The following PATE1 variants were observed in gnomAD, a reference collection of about 807,000 sequenced individuals.
PATE1 encodes prostate and testis expressed 1.
A neutral mutation model predicts 13.1 loss-of-function variants in PATE1; 21 were observed. That is an observed-to-expected ratio of 1.61 (90% confidence interval 1.14 to 2.31). PATE1 has a LOEUF of 2.31. PATE1 is among the 30% of genes most tolerant of loss of function. PATE1 has a pLI of 0.00. For synonymous variants in PATE1, 52 were observed against 47.1 expected (o/e 1.10, Z -0.43); for missense variants, 166 against 147.2 (o/e 1.13, Z -0.66).
In PATE1 at chr11:125,746,353, A is replaced by G. The variant is rs762004936; in HGVS notation, c.49A>G (p.Arg17Gly). ...ACTCCCCATCCTGCTCTGCTGCTTTAGGGGTGAGTCCCTAGGGTTGACAGC... is the reference window on the plus strand; with the variant it reads ...ACTCCCCATCCTGCTCTGCTGCTTTGGGGGTGAGTCCCTAGGGTTGACAGC... Reference protein sequence around the residue: ...LELPILLCCFRALSGSLSMRN... With the variant: ...LELPILLCCFGALSGSLSMRN... Residue 17 changes from arginine to glycine, a missense_variant, in exon 1 of 5, where the codon AGG (arginine) becomes GGG (glycine). Arg to Gly is a moderately radical substitution (Grantham distance 125, BLOSUM62 -2). Coordinates refer to ENST00000305738, the MANE Select transcript of PATE1 (RefSeq NM_138294.3). 6 of 1,613,684 alleles carry G rather than the reference A, an allele frequency of 3.7e-6. No individual in the cohort carries two copies. The highest frequency in any genetic ancestry group is 5.1e-6 in the Non-Finnish European group (6 of 1,179,754).
intron 4 of PATE1, 164 bp downstream of exon 4, chr11:125,747,986 T>C (rs541350): frequency 0.33 from 366,559 of 1,094,898 alleles, 62,859 homozygotes; most frequent in South Asian, 0.39. Context: ...GAAAATTAGA[T>C]GGAGGTGGTC....
intron 3 of PATE1, 122 bp from the exon 4 acceptor site, chr11:125,747,578 C>A: frequency 6.8e-7 from 1 of 1,477,060 alleles, no homozygotes; most frequent in Non-Finnish European, 9.3e-7. Context: ...AAGAGGTTCA[C>A]GCTTGATGGG....
Position 125,746,662 on chromosome 11 carries a change from A to G in PATE1, c.54A>G (p.Ala18=). 1.2e-6 allele frequency: 2 copies of G among 1,613,674 alleles called. No homozygotes were observed. Among genetic ancestry groups the G allele is most frequent in the East Asian group, 2.2e-5 (1 of 44,850 alleles). ...ELPILLCCFR[A]LSGSLSMRND... ...TGTATCTCTTTTTTTTTCCAACAGC[A>G]TTATCTGGATCACTTTCAATGAGAA... Residue 18 remains alanine, a splice_region_variant and synonymous_variant, in exon 2 of 5, where the codon GCA becomes GCG. Transcript: ENST00000305738.
In PATE1 at chr11:125,747,822, A is replaced by G; in HGVS notation, c.247A>G (p.Arg83Gly). Reference protein sequence around the residue: ...EACMVGRMFKRDGNPWLTFMG... With the variant: ...EACMVGRMFKGDGNPWLTFMG... ...CTGCATGGTTGGAAGGATGTTCAAA[A>G]GTAAGTTGTGGGTTGGGGAAAAGAA... The change falls in exon 4 of 5, where the codon AGG (arginine) becomes GGG (glycine). Residue 83 changes from arginine (R) to glycine (G), a missense_variant and splice_region_variant. Physicochemically the swap from Arg to Gly is moderately radical, Grantham distance 125 (BLOSUM62 -2). Transcript: ENST00000305738. 1 of 1,613,706 alleles carries G rather than the reference A, an allele frequency of 6.2e-7. No individual in the cohort carries two copies. Among genetic ancestry groups the G allele is most frequent in the Non-Finnish European group, 8.5e-7 (1 of 1,179,706 alleles).
intron 2 of PATE1, 85 bp from the exon 3 acceptor site, chr11:125,747,291 C>T (rs759966430): frequency 1.3e-4 from 172 of 1,299,150 alleles, no homozygotes; most frequent in Non-Finnish European, 1.8e-4. Context: ...GCAGGATGGA[C>T]CCTGAAGGGC....
rs779212377 is a variant in PATE1 at position 125,747,725 on chromosome 11, G to A, written c.150G>A (p.Met50Ile). The change falls in exon 4 of 5, where the codon ATG becomes ATA. Residue 50 changes from methionine to isoleucine, a missense_variant. Physicochemically the swap from Met to Ile is conservative, Grantham distance 10. Transcript: ENST00000305738. ...FPVIEIVQCRMCHLQFPGEKC... is the reference protein window; with the variant it reads ...FPVIEIVQCRICHLQFPGEKC... ...TGATAGAAATTGTTCAGTGTAGGATGTGCCACCTCCAGTTCCCAGGAGAAA... is the reference window on the plus strand; with the variant it reads ...TGATAGAAATTGTTCAGTGTAGGATATGCCACCTCCAGTTCCCAGGAGAAA... The A allele has an allele frequency of 6.8e-6, 11 of 1,613,738 alleles. No individual in the cohort carries two copies. The Admixed American group carries it at 1.2e-4, about 17-fold the overall frequency.
chr11:125,748,916 A>G lies in PATE1; in HGVS notation c.*183A>G. 4.8e-6 allele frequency: 3 copies of G among 626,960 alleles called. No individual in the cohort carries two copies. The highest frequency in any genetic ancestry group is 7.7e-6 in the Non-Finnish European group (3 of 389,858). The allele number at this position is 626,960 out of a possible 1,614,324, so 38.8% of individuals were successfully genotyped here. A position where few individuals can be genotyped will look rare whatever the true frequency, so the allele number is the denominator to read the frequency against. On this transcript the variant is annotated 3_prime_UTR_variant, in exon 5 of 5. Transcript: ENST00000305738. ...CCTCTCCTTTTCTACAGTCTCTGTCACGCCCCTTAAAATAAGTAAATAAAT... is the reference window on the plus strand; with the variant it reads ...CCTCTCCTTTTCTACAGTCTCTGTCGCGCCCCTTAAAATAAGTAAATAAAT...
rs983642103 is a variant in PATE1 at position 125,749,369 on chromosome 11, G to A, written c.*636G>A. ...CAGATCTGTTTGGGGCTGGGGGTTGGAGAATAAAAGCAGGAGAAGTCTATG... is the reference window on the plus strand; with the variant it reads ...CAGATCTGTTTGGGGCTGGGGGTTGAAGAATAAAAGCAGGAGAAGTCTATG... On this transcript the variant is annotated 3_prime_UTR_variant, in exon 5 of 5. Coordinates refer to ENST00000305738, the MANE Select transcript of PATE1 (RefSeq NM_138294.3). The A allele has an allele frequency of 9.2e-6, 1 of 108,208 alleles. No homozygotes were observed. Among genetic ancestry groups the A allele is most frequent in the East Asian group, 3.1e-4 (1 of 3,260 alleles). 6.7% of individuals were successfully genotyped at this position (108,208 alleles called of 1,614,324 possible).
At position 125,749,006 on chromosome 11, in the gene PATE1, T is replaced by C; in HGVS notation, c.*273T>C. On this transcript the variant is annotated 3_prime_UTR_variant, in exon 5 of 5. Transcript: ENST00000305738. ...TTGCTACAAACCCTTGTGCTTTCACTGTATAGCCAGTTCATTCAGAAAAGG... is the reference window on the plus strand; with the variant it reads ...TTGCTACAAACCCTTGTGCTTTCACCGTATAGCCAGTTCATTCAGAAAAGG... The C allele has an allele frequency of 3.2e-6, 1 of 308,298 alleles. No homozygotes were observed. Among genetic ancestry groups the C allele is most frequent in the Non-Finnish European group, 5.9e-6 (1 of 169,966 alleles). 19.1% of individuals were successfully genotyped at this position (308,298 alleles called of 1,614,324 possible).
intron 4 of PATE1, 80 bp downstream of exon 4, chr11:125,747,902 C>G: frequency 6.3e-7 from 1 of 1,576,992 alleles, no homozygotes; most frequent in Non-Finnish European, 8.7e-7. Flanking sequence ...AAGGAGAGAT[C>G]TTACTTTACT....
At position 125,746,348 on chromosome 11, in the gene PATE1, G is replaced by C. The variant is rs1224426160; in HGVS notation, c.44G>C (p.Cys15Ser). ...CTGGAACTCCCCATCCTGCTCTGCT[G>C]CTTTAGGGGTGAGTCCCTAGGGTTG... ...LLLELPILLCCFRALSGSLSM... is the reference protein window; with the variant it reads ...LLLELPILLCSFRALSGSLSM... Residue 15 changes from cysteine (C) to serine (S), a missense_variant, in exon 1 of 5, where the codon TGC becomes TCC. Cys to Ser is a moderately radical substitution (Grantham distance 112, BLOSUM62 -1). Transcript: ENST00000305738. 6.2e-7 allele frequency: 1 copy of C among 1,613,916 alleles called. No individual in the cohort carries two copies. The highest frequency in any genetic ancestry group is 8.5e-7 in the Non-Finnish European group (1 of 1,179,842).
intron 2 of PATE1, 118 bp from the exon 3 acceptor site, chr11:125,747,258 T>G (rs1420232296): frequency 2.3e-6 from 2 of 873,972 alleles, no homozygotes; most frequent in Admixed American, 3.9e-5. Flanking sequence ...AGAGTGGGCC[T>G]GGAATGGCTC....
chr11:125,746,546 T>G, intron 1 of PATE1, 115 bp from the exon 2 acceptor site: 1 of 1,402,830 alleles, frequency 7.1e-7, no homozygotes, highest in Non-Finnish European at 1.0e-6. Flanking sequence ...CTCCCTTCCT[T>G]TATGGGGGGA....
In PATE1 at chr11:125,748,813, ATC is replaced by A. The variant is rs1491317101; in HGVS notation, c.*81_*82del. 6.8e-7 allele frequency: 1 copy of A among 1,464,746 alleles called. No homozygotes were observed. The highest frequency in any genetic ancestry group is 9.2e-7 in the Non-Finnish European group (1 of 1,088,620). The allele number at this position is 1,464,746 out of a possible 1,614,324, so 90.7% of individuals were successfully genotyped here. On this transcript the variant is annotated 3_prime_UTR_variant, in exon 5 of 5. Coordinates refer to ENST00000305738, the MANE Select transcript of PATE1 (RefSeq NM_138294.3). ...TCTTCACAATGACTTTCTAAAAAAA[ATC>A]ACACACACACACACACACACTACAG...
chr11:125,747,890 GA>G, intron 4 of PATE1, 68 bp downstream of exon 4: 2 of 1,597,656 alleles, frequency 1.3e-6, no homozygotes, highest in Admixed American at 1.7e-5. Flanking sequence ...AGCCACAGGG[GA>G]AAGGAGAGAT....
chr11:125,748,022 TAAGGG>T, intron 4 of PATE1, 200 bp downstream of exon 4: 2 of 691,890 alleles, frequency 2.9e-6, no homozygotes, highest in Middle Eastern at 3.8e-4. Context: ...GGCCTACAGC[TAAGGG>T]ATTAGCATTT....
chr11:125,746,639 T>A, intron 1 of PATE1, 22 bp from the exon 2 acceptor site: 1 of 1,613,528 alleles, frequency 6.2e-7, no homozygotes, highest in African/African-American at 1.3e-5. Flanking sequence ...GCAGACAGTG[T>A]ATCTCTTTTT....
intron 1 of PATE1, 106 bp from the exon 2 acceptor site, chr11:125,746,555 G>T (rs1943273417): frequency 6.9e-7 from 1 of 1,442,458 alleles, no homozygotes; most frequent in East Asian, 2.3e-5. Flanking sequence ...TTTATGGGGG[G>T]AAATAGGTAG....
rs367717741 is a variant in PATE1 at position 125,747,350 on chromosome 11, G to A, written c.89-26G>A. 1.1e-4 allele frequency: 170 copies of A among 1,607,308 alleles called. No homozygotes were observed. In the African/African-American group the frequency reaches 2.0e-3, roughly 19 times the overall value. On this transcript the variant is annotated intron_variant, in intron 2 of 4. Transcript: ENST00000305738. ...AGTAAATCTCAGGCACATTTCAGATGTGTTTTCTTTCTCTTGCCAGTACAG... is the reference window on the plus strand; with the variant it reads ...AGTAAATCTCAGGCACATTTCAGATATGTTTTCTTTCTCTTGCCAGTACAG...
Sources: allele counts gnomAD v4.1 joint callset, GRCh38; gene constraint gnomAD v4.1.1; transcripts MANE v1.5; gene names NCBI Gene and HGNC (gene_info 2026-07-23, HGNC 2026-07-21).